Variants in RANBP2 observed in about 807,000 individuals in gnomAD.
RANBP2 encodes E3 SUMO-protein ligase RanBP2.
Under a neutral mutation model 303.6 loss-of-function variants are expected in RANBP2, and 57 were observed. The ratio of observed to expected loss-of-function variants is 0.19; its 90% CI spans 0.15 to 0.23. RANBP2 has a LOEUF of 0.23. Ranked by LOEUF, RANBP2 falls within the 10% of genes least tolerant of loss-of-function variation. The pLI is 1.00. For missense variants in RANBP2, 3,138 were observed against 3,780.8 expected (o/e 0.83, Z 4.46); for synonymous variants, 1,167 against 1,301.5 (o/e 0.90, Z 2.23).
Position 108,749,027 on chromosome 2 carries a change from T to G in RANBP2, c.1171T>G (p.Ser391Ala). The G allele has an allele frequency of 6.2e-7, 1 of 1,612,000 alleles. No homozygotes were observed. The change falls in exon 9 of 29, where the codon TCT becomes GCT. Residue 391 changes from serine (S) to alanine (A), a missense_variant. This residue lies in a region of RANBP2 where 95 missense variants were observed against 86.4 expected (regional missense o/e 1.10). Coordinates refer to ENST00000283195, the MANE Select transcript of RANBP2 (RefSeq NM_006267.5). ...GQSALYDALF[S>A]SQSPKDTSFL... is the part of the protein sequence containing the mutation. ...GTCTGCATTATATGATGCTCTGTTT[T>G]CTAGTCAGTCACCTAAGGATACATC...
chr2:108,820,722 A>AAAAC, the RANBP2 span, among the ~76,000 whole-genome samples: 3 of 148,416 alleles, frequency 2.0e-5, no homozygotes, highest in African/African-American at 5.0e-5. Flanking sequence ...AAAACAAACA[A>AAAAC]CAAAACTGTT....
At position 108,756,846 on chromosome 2, in the gene RANBP2, G is replaced by A. The variant is rs188795810; in HGVS notation, c.2467-1567G>A. Reference sequence around the variant, plus strand: ...TGTTAAAAATTACAGTTACAGCAGTGATTGCAAATTCAAAGCTCTGGTGCG... The same window carrying A: ...TGTTAAAAATTACAGTTACAGCAGTAATTGCAAATTCAAAGCTCTGGTGCG... On this transcript the variant is annotated intron_variant, in intron 17 of 28. Transcript: ENST00000283195. Among the ~76,000 whole-genome samples the A allele has an allele frequency of 1.4e-3, 217 of 152,310 alleles. 1 individual carries two copies. Among genetic ancestry groups the A allele is most frequent in the African/African-American group, 4.9e-3 (204 of 41,562 alleles).
chr2:108,985,011 T>C, the RANBP2 span, among the ~76,000 whole-genome samples: 1 of 152,220 alleles, frequency 6.6e-6, no homozygotes, highest in African/African-American at 2.4e-5. Context: ...GTCAAAACAG[T>C]GCATGCCCTC....
chr2:108,811,247 C>CTTTTTTTTTTT, the RANBP2 span, among the ~76,000 whole-genome samples: 13 of 113,906 alleles, frequency 1.1e-4, no homozygotes, highest in African/African-American at 4.9e-4. Flanking sequence ...TTCTCTCTCT[C>CTTTTTTTTTTT]TTTTTTTTTT....
At chr2:109,195,717 T>C in the RANBP2 span, among the ~76,000 whole-genome samples, 1 of 152,222 alleles carries the variant, frequency 6.6e-6, no homozygotes, top group South Asian at 2.1e-4. Flanking sequence ...TTTTTTTTGG[T>C]ACTCATTTGA....
chr2:109,549,215 G>A, the RANBP2 span, among the ~76,000 whole-genome samples: 1 of 152,224 alleles, frequency 6.6e-6, no homozygotes, highest in African/African-American at 2.4e-5. Context: ...AGAGGAGCAG[G>A]AGTGGGACAA....
chr2:108,719,537 C>T lies in RANBP2; in HGVS notation c.-70C>T, dbSNP rs1694032915. The T allele has an allele frequency of 3.2e-6, 5 of 1,557,698 alleles. No individual in the cohort carries two copies. The highest frequency in any genetic ancestry group is 1.4e-5 in the African/African-American group (1 of 73,748). ...GTCACTGGTTTGCAGGCGCTTTCCT[C>T]TTGGAAGTGGCGACTGCTGCGGGCC... On this transcript the variant is annotated 5_prime_UTR_variant, in exon 1 of 29. Transcript: ENST00000283195.
the RANBP2 span, among the ~76,000 whole-genome samples, chr2:109,331,353 C>G: frequency 6.6e-6 from 1 of 152,032 alleles, no homozygotes; most frequent in East Asian, 1.9e-4. Context: ...GTTTTCCTGC[C>G]TCCCTCCTCT....
At chr2:109,069,461 G>A in the RANBP2 span, among the ~76,000 whole-genome samples, 2 of 152,360 alleles carry the variant, frequency 1.3e-5, no homozygotes, top group Middle Eastern at 6.8e-3. Flanking sequence ...AAGCCATCAG[G>A]AGCAAAGCTC....
At chr2:109,342,805 T>C in the RANBP2 span, among the ~76,000 whole-genome samples, 1 of 152,168 alleles carries the variant, frequency 6.6e-6, no homozygotes, top group South Asian at 2.1e-4. Context: ...GGACATTAAG[T>C]CCAGAGGAAG....
chr2:109,293,556 A>G, the RANBP2 span, among the ~76,000 whole-genome samples: 1,216 of 152,350 alleles, frequency 8.0e-3, 12 homozygotes, highest in East Asian at 0.038. Flanking sequence ...ACTGACCACT[A>G]GAAAACAAAG....
chr2:108,798,584 G>A, the RANBP2 span: 1 of 1,601,488 alleles, frequency 6.2e-7, no homozygotes, highest in Non-Finnish European at 8.5e-7. Flanking sequence ...AATTATAAAA[G>A]AGGTAACTAT....
chr2:109,604,875 A>T, the RANBP2 span: 2 of 152,238 alleles, frequency 1.3e-5, no homozygotes, highest in South Asian at 4.1e-4. Flanking sequence ...GGCTGCAAGA[A>T]GCTGACTTCA....
chr2:109,231,883 T>C, the RANBP2 span, among the ~76,000 whole-genome samples: 9 of 152,258 alleles, frequency 5.9e-5, no homozygotes, highest in Admixed American at 5.9e-4. Flanking sequence ...GTAATTCACA[T>C]GCCATGTAAT....
chr2:109,219,619 TA>T, the RANBP2 span, among the ~76,000 whole-genome samples: 1 of 152,204 alleles, frequency 6.6e-6, no homozygotes, highest in African/African-American at 2.4e-5. Context: ...AATATAAAAT[TA>T]AAGCTCACAG....
At chr2:109,295,097 G>C in the RANBP2 span, among the ~76,000 whole-genome samples, 2 of 152,244 alleles carry the variant, frequency 1.3e-5, no homozygotes, top group Non-Finnish European at 2.9e-5. Flanking sequence ...TTGAGATGCA[G>C]ACTTAGAGTA....
chr2:109,180,552 AG>A, the RANBP2 span, among the ~76,000 whole-genome samples: 2 of 152,128 alleles, frequency 1.3e-5, no homozygotes, highest in African/African-American at 4.8e-5. Context: ...ACCCAGTGGG[AG>A]ATAATTGAAT....
At chr2:109,281,812 G>A in the RANBP2 span, among the ~76,000 whole-genome samples, 1 of 152,158 alleles carries the variant, frequency 6.6e-6, no homozygotes, top group Non-Finnish European at 1.5e-5. Flanking sequence ...ACTGTCGGGG[G>A]CACGCTGACC....
the RANBP2 span, among the ~76,000 whole-genome samples, chr2:109,319,998 T>C: frequency 3.3e-5 from 5 of 152,158 alleles, no homozygotes; most frequent in Non-Finnish European, 5.9e-5. Context: ...TGGGGGGTGC[T>C]ATTCTGGAGG....
Sources: allele counts gnomAD v4.1 joint callset (sites outside exome capture counted in the v4.1 genomes callset), GRCh38; gene constraint gnomAD v4.1.1; regional missense constraint gnomAD v4.1.1; transcripts MANE v1.5; gene names NCBI Gene and HGNC (gene_info 2026-07-23, HGNC 2026-07-21).